KREMEN1: variants seen among roughly 807,000 people sequenced by gnomAD.
KREMEN1 encodes kremen protein 1.
Under a neutral mutation model 46.5 loss-of-function variants are expected in KREMEN1, and 30 were observed. The ratio of observed to expected loss-of-function variants is 0.65; its 90% CI spans 0.48 to 0.88. The LOEUF is 0.88. Among genes scored for constraint, KREMEN1 ranks in the 40% least tolerant of loss-of-function variants. The pLI is 0.00. For missense variants in KREMEN1, 533 were observed against 596.9 expected (o/e 0.89, Z 1.11); for synonymous variants, 214 against 230.6 (o/e 0.93, Z 0.65).
chr22:29,164,543 C>G (rs772603618), intron 9 of KREMEN1, among the ~76,000 whole-genome samples: 1 of 151,974 alleles, frequency 6.6e-6, no homozygotes, highest in African/African-American at 2.4e-5. Flanking sequence ...GTCAGAAGTT[C>G]GAGACCAGCC....
intron 3 of KREMEN1, among the ~76,000 whole-genome samples, chr22:29,114,606 C>T (rs928330762): frequency 6.6e-6 from 1 of 151,698 alleles, no homozygotes; most frequent in Admixed American, 6.6e-5. Flanking sequence ...TCATCAGGAA[C>T]TGAAACTGCC....
rs1813174654 is a variant in KREMEN1, at chr22:29,143,575, T to C, written c.*1463T>C. On this transcript the variant is annotated 3_prime_UTR_variant, in exon 9 of 9. Transcript: ENST00000400335. ...GGCTAAGATGGTGAAACCCCGTCTC[T>C]ACTAAAAATACAAAAAATTAGCTGG... is the stretch of plus-strand genomic sequence containing the variant. 1.4e-6 allele frequency: 1 copy of C among 701,704 alleles called. No homozygotes were observed. The highest frequency in any genetic ancestry group is 1.8e-6 in the Non-Finnish European group (1 of 570,978). 43.5% of individuals were successfully genotyped at this position (701,704 alleles called of 1,614,324 possible).
chr22:29,133,446 A>G (rs149982743), intron 5 of KREMEN1, among the ~76,000 whole-genome samples: 1,776 of 152,042 alleles, frequency 0.012, 19 homozygotes, highest in Middle Eastern at 0.024. Flanking sequence ...GATTATGGGC[A>G]TGTGCCACCA....
intron 1 of KREMEN1, among the ~76,000 whole-genome samples, chr22:29,078,107 A>G (rs2037600210): frequency 1.3e-5 from 2 of 152,096 alleles, no homozygotes; most frequent in African/African-American, 2.4e-5. Flanking sequence ...GTCTCTACAA[A>G]AAATAAACCA....
chr22:29,123,487 A>C (rs896802868), intron 4 of KREMEN1, among the ~76,000 whole-genome samples: 41 of 152,348 alleles, frequency 2.7e-4, no homozygotes, highest in Admixed American at 2.3e-3. Context: ...ACAGATGACA[A>C]ATAAGCACAT....
chr22:29,144,454 G>A lies in KREMEN1; in HGVS notation c.*2342G>A. On this transcript the variant is annotated 3_prime_UTR_variant, in exon 9 of 9. Coordinates refer to ENST00000400335, the MANE Select transcript of KREMEN1 (RefSeq NM_001039570.3). ...GTGGGAGGCCTGCTGAGGGCACAGAGCTGCTCGGTGCAGCCTTCATGCTTT... is the reference window on the plus strand; with the variant it reads ...GTGGGAGGCCTGCTGAGGGCACAGAACTGCTCGGTGCAGCCTTCATGCTTT... 1.0e-6 allele frequency: 1 copy of A among 985,604 alleles called. No homozygotes were observed. The highest frequency in any genetic ancestry group is 1.2e-6 in the Non-Finnish European group (1 of 830,030). The allele number at this position is 985,604 out of a possible 1,614,324, so 61.1% of individuals were successfully genotyped here. A position where few individuals can be genotyped will look rare whatever the true frequency, so the allele number is the denominator to read the frequency against.
At chr22:29,105,129 G>A (rs905604811) in intron 3 of KREMEN1, among the ~76,000 whole-genome samples, 5 of 152,104 alleles carry the variant, frequency 3.3e-5, no homozygotes, top group Admixed American at 6.6e-5. Flanking sequence ...CAAAAGGTTC[G>A]GAGCACCCAG....
chr22:29,087,026 G>C (rs2037740963), intron 1 of KREMEN1, among the ~76,000 whole-genome samples: 2 of 152,038 alleles, frequency 1.3e-5, no homozygotes, highest in African/African-American at 4.8e-5. Flanking sequence ...GCCTCCCAAA[G>C]TTCTGGGATT....
intron 2 of KREMEN1, among the ~76,000 whole-genome samples, chr22:29,097,184 C>T (rs986253193): frequency 2.0e-5 from 3 of 152,224 alleles, no homozygotes; most frequent in African/African-American, 4.8e-5. Context: ...TGCCCATTTC[C>T]GGCCTAACCG....
chr22:29,073,263 C>T lies in KREMEN1; in HGVS notation c.97+36C>T. On this transcript the variant is annotated intron_variant, in intron 1 of 8. Coordinates refer to ENST00000400335, the MANE Select transcript of KREMEN1 (RefSeq NM_001039570.3). This position sits in a 1 kb window ranked among gnomAD's most constrained non-coding sequence, Gnocchi z 4.4. The stretch of plus-strand genomic sequence containing the variant: ...GCGACCCCCCGCCGCCCGCCCTGAG[C>T]GGAGCCCACTCGAGGGGCGACAAGG... The T allele has an allele frequency of 1.0e-6, 1 of 994,180 alleles. No homozygotes were observed. The highest frequency in any genetic ancestry group is 1.3e-6 in the Non-Finnish European group (1 of 787,152). 61.6% of individuals were successfully genotyped at this position (994,180 alleles called of 1,614,324 possible). A position where few individuals can be genotyped will look rare whatever the true frequency, so the allele number is the denominator to read the frequency against.
downstream of KREMEN1, among the ~76,000 whole-genome samples, chr22:29,149,169 C>CTTTTTTTTTTTTTT (rs557993177): frequency 4.8e-5 from 7 of 145,786 alleles, no homozygotes; most frequent in African/African-American, 1.8e-4. Flanking sequence ...ATAATGGCAC[C>CTTTTTTTTTTTTTT]TTTTTTTTTT....
intron 6 of KREMEN1, 107 bp from the exon 7 acceptor site, chr22:29,138,517 G>T: frequency 8.5e-7 from 1 of 1,179,708 alleles, no homozygotes; most frequent in Non-Finnish European, 1.3e-6. Flanking sequence ...ATTGCACCCA[G>T]AATTGAATCA....
At chr22:29,102,447 G>A (rs1251970672) in intron 3 of KREMEN1, among the ~76,000 whole-genome samples, 1 of 152,228 alleles carries the variant, frequency 6.6e-6, no homozygotes, top group Non-Finnish European at 1.5e-5. Flanking sequence ...AGCAGAGGGA[G>A]AGGAAAGCAG....
downstream of KREMEN1, among the ~76,000 whole-genome samples, chr22:29,150,756 G>A (rs1311556969): frequency 6.6e-6 from 1 of 152,188 alleles, no homozygotes; most frequent in Non-Finnish European, 1.5e-5. Context: ...GAATGTGCAA[G>A]GACAATAAGA....
intron 9 of KREMEN1, among the ~76,000 whole-genome samples, chr22:29,164,289 A>G (rs2039035614): frequency 6.6e-6 from 1 of 152,226 alleles, no homozygotes; most frequent in Admixed American, 6.5e-5. Context: ...CCTTTGTTGT[A>G]TTGGCTGGAA....
intron 1 of KREMEN1, among the ~76,000 whole-genome samples, chr22:29,077,642 A>AT (rs1374026030): frequency 1.5e-4 from 23 of 152,208 alleles, no homozygotes; most frequent in African/African-American, 4.8e-5. Flanking sequence ...AAAATTATAG[A>AT]TTTTTTAAGT....
chr22:29,124,756 G>T (rs1432837367), intron 4 of KREMEN1, among the ~76,000 whole-genome samples: 1 of 152,142 alleles, frequency 6.6e-6, no homozygotes, highest in Non-Finnish European at 1.5e-5. Flanking sequence ...GCCTCCCAAA[G>T]TGCTGGGATT....
chr22:29,098,590 A>G (rs2037920503), intron 2 of KREMEN1, among the ~76,000 whole-genome samples: 1 of 152,160 alleles, frequency 6.6e-6, no homozygotes, highest in South Asian at 2.1e-4. Context: ...TGCAGTGGCC[A>G]TTTGTCCTAG....
intron 3 of KREMEN1, among the ~76,000 whole-genome samples, chr22:29,112,377 T>C (rs1201820651): frequency 6.6e-6 from 1 of 152,080 alleles, no homozygotes; most frequent in Non-Finnish European, 1.5e-5. Flanking sequence ...CTGTGGGTAA[T>C]AGGTGGTTCT....
Sources: allele counts gnomAD v4.1 joint callset (sites outside exome capture counted in the v4.1 genomes callset), GRCh38; gene constraint gnomAD v4.1.1; non-coding constraint Gnocchi (gnomAD v3.1); transcripts MANE v1.5; gene names NCBI Gene and HGNC (gene_info 2026-07-23, HGNC 2026-07-21).